Variants in RBFOX1 observed in about 807,000 individuals in gnomAD.
The protein encoded by RBFOX1 is RNA binding protein fox-1 homolog 1.
In RBFOX1, 8 loss-of-function variants were observed where a neutral mutation model predicts 57.7. That is an observed-to-expected ratio of 0.14 (90% CI 0.08 to 0.25). RBFOX1 has a LOEUF of 0.25. Among genes scored for constraint, RBFOX1 ranks in the 10% least tolerant of loss-of-function variants. The pLI is 1.00. For synonymous variants in RBFOX1, 326 were observed against 222.4 expected, an observed-to-expected ratio of 1.47 and a Z score of -4.15; for missense variants, 611 against 548.5, an observed-to-expected ratio of 1.11 and a Z score of -1.14.
At position 6,012,905 on chromosome 16, in the gene RBFOX1, G is replaced by C. The variant is rs1596403067; in HGVS notation, c.351+145570G>C. Among the ~76,000 whole-genome samples the C allele has an allele frequency of 2.0e-5, 3 of 152,160 alleles. No individual in the cohort carries two copies. In the East Asian group the frequency reaches 5.8e-4, roughly 29 times the overall value. ...ATAAAGGAAATGTTTCCTAAAATGT[G>C]ATAACAATCTTCTAGATCACGTGAC... On this transcript the variant is annotated intron_variant, in intron 4 of 19. Transcript: ENST00000641259.
At chr16:6,243,542 G>C (rs987865214) in intron 1 of RBFOX1, among the ~76,000 whole-genome samples, 2 of 152,120 alleles carry the variant, frequency 1.3e-5, no homozygotes, top group Non-Finnish European at 2.9e-5. Context: ...CCAACAGTCA[G>C]TCCTCGTTCA....
At chr16:6,539,230 C>T (rs1040812601) in intron 2 of RBFOX1, among the ~76,000 whole-genome samples, 3 of 152,050 alleles carry the variant, frequency 2.0e-5, no homozygotes, top group East Asian at 1.9e-4. Context: ...TAGGTTTAAA[C>T]CCTAATTATG....
chr16:6,141,973 G>A (rs556034467), intron 1 of RBFOX1, among the ~76,000 whole-genome samples: 2 of 151,464 alleles, frequency 1.3e-5, no homozygotes, highest in East Asian at 3.9e-4. Flanking sequence ...GCAGAAGAAT[G>A]GTTTCAACCT....
intron 2 of RBFOX1, among the ~76,000 whole-genome samples, chr16:5,523,234 C>T (rs573856227): frequency 9.2e-5 from 14 of 151,908 alleles, no homozygotes; most frequent in South Asian, 8.3e-4. Flanking sequence ...TACAGTGAGC[C>T]GAGATCGCGC....
At chr16:6,581,442 T>A (rs1476133789) in intron 2 of RBFOX1, among the ~76,000 whole-genome samples, 1 of 152,210 alleles carries the variant, frequency 6.6e-6, no homozygotes, top group Non-Finnish European at 1.5e-5. Context: ...TTCCCCCAGC[T>A]GTGTTGGCTG....
At chr16:7,052,446 T>C (rs2153730916) in intron 4 of RBFOX1, among the ~76,000 whole-genome samples, 1 of 152,334 alleles carries the variant, frequency 6.6e-6, no homozygotes, top group African/African-American at 2.4e-5. Flanking sequence ...TTAATATGAA[T>C]ACCAGGCTGT....
chr16:6,460,950 T>C (rs1658419144), intron 2 of RBFOX1, among the ~76,000 whole-genome samples: 1 of 152,150 alleles, frequency 6.6e-6, no homozygotes, highest in Non-Finnish European at 1.5e-5. Context: ...TCATGTCCTT[T>C]GCAAGGTCAT....
chr16:5,583,736 G>C (rs114199641), intron 2 of RBFOX1, among the ~76,000 whole-genome samples: 1 of 152,314 alleles, frequency 6.6e-6, no homozygotes, highest in African/African-American at 2.4e-5. Context: ...TTTTAGGATT[G>C]TCCTATGATG....
At chr16:7,335,017 C>G (rs55914813) in intron 4 of RBFOX1, among the ~76,000 whole-genome samples, 2 of 152,166 alleles carry the variant, frequency 1.3e-5, no homozygotes, top group East Asian at 1.9e-4. Flanking sequence ...GGAAAGCTAA[C>G]ACACAGAGAG....
At chr16:5,694,854 A>G (rs148672123) in intron 3 of RBFOX1, among the ~76,000 whole-genome samples, 137 of 151,794 alleles carry the variant, frequency 9.0e-4, no homozygotes, top group African/African-American at 3.1e-3. Flanking sequence ...AGATGGTAGA[A>G]GAGAACAGAT....
rs2151252079 is a variant in RBFOX1 at position 5,322,220 on chromosome 16, T to G, written c.219+82115T>G. Among the ~76,000 whole-genome samples the G allele has an allele frequency of 3.9e-5, 6 of 152,242 alleles. No homozygotes were observed. In the Middle Eastern group the frequency reaches 0.017, roughly 432 times the overall value. On this transcript the variant is annotated intron_variant, in intron 1 of 2. Transcript: ENST00000585867. ...GGGAGCTTCTGAGAGAAAAACGTAA[T>G]AAACACAAAACTAGAAGCAATAGAA...
intron 4 of RBFOX1, chr16:7,510,238 G>A: frequency 4.1e-6 from 4 of 985,940 alleles, no homozygotes; most frequent in Non-Finnish European, 3.6e-6. Flanking sequence ...CGTGCTTGGG[G>A]CAGATGCTTT....
intron 4 of RBFOX1, among the ~76,000 whole-genome samples, chr16:7,065,681 C>G (rs917038830): frequency 1.3e-5 from 2 of 152,124 alleles, no homozygotes; most frequent in African/African-American, 4.8e-5. Flanking sequence ...TTTACGCTCT[C>G]AGCAGTTTTG....
rs13334223 is a variant in RBFOX1 at position 5,263,951 on chromosome 16, A to G, written c.219+23846A>G. Among the ~76,000 whole-genome samples, 185 of 152,338 alleles carry G rather than the reference A, an allele frequency of 1.2e-3. 1 individual carries two copies. Among genetic ancestry groups the G allele is most frequent in the African/African-American group, 4.3e-3 (177 of 41,568 alleles). On this transcript the variant is annotated intron_variant, in intron 1 of 2. Coordinates refer to the RBFOX1 transcript ENST00000585867. ...TATCCATGTTGTGATTCTTTCCAGT[A>G]TCATTCAGCAGCCCTTGGGCAGTTG...
At chr16:6,929,314 GT>G (rs1345652532) in intron 3 of RBFOX1, among the ~76,000 whole-genome samples, 1 of 152,102 alleles carries the variant, frequency 6.6e-6, no homozygotes, top group African/African-American at 2.4e-5. Context: ...TGGAAGAGGG[GT>G]TTACCTTGTT....
intron 1 of RBFOX1, among the ~76,000 whole-genome samples, chr16:6,125,344 C>A (rs2096581849): frequency 6.6e-6 from 1 of 152,132 alleles, no homozygotes; most frequent in Non-Finnish European, 1.5e-5. Flanking sequence ...GCCTTTTTCT[C>A]CCCTGTTGAG....
rs534123534 is a variant in RBFOX1 at position 6,188,344 on chromosome 16, T to A, written c.-126-128651T>A. ...GTTTTTACCATGAGAAAAAAAAAAATTTTCTCCAGAAGACCAAGAAACAAT... is the reference window on the plus strand; with the variant it reads ...GTTTTTACCATGAGAAAAAAAAAAAATTTCTCCAGAAGACCAAGAAACAAT... On this transcript the variant is annotated intron_variant, in intron 1 of 15. Coordinates refer to ENST00000550418, the MANE Select transcript of RBFOX1 (RefSeq NM_018723.4). Among the ~76,000 whole-genome samples the A allele has an allele frequency of 1.6e-3, 239 of 148,470 alleles. 1 individual carries two copies. The highest frequency in any genetic ancestry group is 0.014 in the Middle Eastern group (4 of 288).
intron 4 of RBFOX1, among the ~76,000 whole-genome samples, chr16:7,434,091 A>C (rs2098703433): frequency 6.6e-6 from 1 of 152,188 alleles, no homozygotes; most frequent in Non-Finnish European, 1.5e-5. Flanking sequence ...AAAGGAAGAA[A>C]GATCAGGGCT....
intron 14 of RBFOX1, among the ~76,000 whole-genome samples, chr16:7,678,614 C>T (rs941492378): frequency 1.3e-5 from 2 of 151,718 alleles, no homozygotes; most frequent in Non-Finnish European, 2.9e-5. Context: ...TGCATCTATC[C>T]CCAAGTTGAA....
Sources: gnomAD v4.1 joint callset for allele counts (sites outside exome capture counted in the v4.1 genomes callset) on GRCh38, gnomAD v4.1.1 for gene constraint, MANE v1.5 for transcripts, NCBI Gene and HGNC (gene_info 2026-07-23, HGNC 2026-07-21) for gene names.